Variants in VRK2 observed in about 807,000 individuals in gnomAD.
VRK2 encodes serine/threonine-protein kinase VRK2.
Under a neutral mutation model 57.6 loss-of-function variants are expected in VRK2, and 60 were observed. The ratio of observed to expected loss-of-function variants is 1.04; its 90% CI spans 0.85 to 1.29. The LOEUF (loss-of-function observed/expected upper bound fraction) is 1.29, where lower values mean the gene tolerates loss of function less well. VRK2 is among the 50% of genes most tolerant of loss of function. The pLI is 0.00. For missense variants in VRK2, 705 were observed against 588.1 expected, an observed-to-expected ratio of 1.20 and a Z score of -2.06; for synonymous variants, 231 against 199.2, an observed-to-expected ratio of 1.16 and a Z score of -1.35.
intron 1 of VRK2, among the ~76,000 whole-genome samples, chr2:57,956,231 A>C (rs546598337): frequency 6.6e-6 from 1 of 152,162 alleles, no homozygotes; most frequent in African/African-American, 2.4e-5. Flanking sequence ...AGAAAAAATA[A>C]AAAATCTGCT....
chr2:58,154,258 T>C (rs1415372755), intron 12 of VRK2, among the ~76,000 whole-genome samples: 1 of 152,082 alleles, frequency 6.6e-6, no homozygotes, highest in Non-Finnish European at 1.5e-5. Flanking sequence ...CATTCTGTAT[T>C]TTTTAATTGC....
At chr2:57,972,015 G>A (rs1296350024) in intron 1 of VRK2, among the ~76,000 whole-genome samples, 1 of 151,728 alleles carries the variant, frequency 6.6e-6, no homozygotes, top group Non-Finnish European at 1.5e-5. Flanking sequence ...GCTTCTTCAG[G>A]TTGGCTCTGG....
intron 8 of VRK2, among the ~76,000 whole-genome samples, chr2:58,124,285 G>T (rs758244343): frequency 4.1e-4 from 62 of 152,172 alleles, no homozygotes; most frequent in Non-Finnish European, 6.0e-4. Context: ...AAAATATATG[G>T]TGCCGAGTCC....
At chr2:57,910,965 A>G (rs1330776115) in intron 1 of VRK2, among the ~76,000 whole-genome samples, 1 of 152,100 alleles carries the variant, frequency 6.6e-6, no homozygotes, top group Non-Finnish European at 1.5e-5. Flanking sequence ...AGAACCAGTG[A>G]GCAATAAACA....
intron 8 of VRK2, among the ~76,000 whole-genome samples, chr2:58,126,502 A>G (rs1190392128): frequency 1.3e-5 from 2 of 152,098 alleles, no homozygotes; most frequent in East Asian, 1.9e-4. Context: ...AAAATTAGCT[A>G]TTATGTTATT....
rs151252588 is a variant in VRK2 at position 58,012,836 on chromosome 2, C to T, written c.-438-12829C>T. Among the ~76,000 whole-genome samples, 54 of 152,232 alleles carry T rather than the reference C, an allele frequency of 3.5e-4. No homozygotes were observed. The East Asian group carries it at 9.6e-3, about 27-fold the overall frequency. ...ATCATATTTACTCCAAGACATTTTACGTATTATATCTTAATAACACTAAAT... is the reference window on the plus strand; with the variant it reads ...ATCATATTTACTCCAAGACATTTTATGTATTATATCTTAATAACACTAAAT... On this transcript the variant is annotated intron_variant, in intron 1 of 15. Coordinates refer to the VRK2 transcript ENST00000417641.
chr2:57,916,717 G>C (rs933989766), intron 1 of VRK2, among the ~76,000 whole-genome samples: 3 of 152,086 alleles, frequency 2.0e-5, no homozygotes, highest in Non-Finnish European at 4.4e-5. Flanking sequence ...TCATAAATAA[G>C]ACAGCTTAGA....
chr2:57,916,381 G>C (rs1421541099), intron 1 of VRK2, among the ~76,000 whole-genome samples: 1 of 149,148 alleles, frequency 6.7e-6, no homozygotes, highest in Non-Finnish European at 1.5e-5. Flanking sequence ...ACTCCAGCCT[G>C]GCAACAAGAG....
At chr2:58,119,432 G>A (rs1029385781) in intron 7 of VRK2, among the ~76,000 whole-genome samples, 5 of 145,166 alleles carry the variant, frequency 3.4e-5, no homozygotes, top group South Asian at 2.2e-4. Context: ...AGCCGAGATC[G>A]CGCCACTGCA....
intron 1 of VRK2, among the ~76,000 whole-genome samples, chr2:58,000,414 A>G (rs1046375675): frequency 6.6e-5 from 10 of 152,344 alleles, no homozygotes; most frequent in African/African-American, 2.4e-4. Context: ...CAAGATGCCT[A>G]TCTTCTCAAC....
At chr2:58,107,806 T>A (rs571543921) in intron 7 of VRK2, among the ~76,000 whole-genome samples, 1 of 152,264 alleles carries the variant, frequency 6.6e-6, no homozygotes, top group East Asian at 1.9e-4. Context: ...GTCCTGCTTC[T>A]TTCTCTGCCA....
intron 3 of VRK2, among the ~76,000 whole-genome samples, chr2:58,037,681 A>T (rs1026852692): frequency 6.6e-6 from 1 of 152,126 alleles, no homozygotes; most frequent in African/African-American, 2.4e-5. Context: ...TTACTATGCT[A>T]GGTTCTTTGC....
At chr2:58,060,860 G>C (rs1233702253) in intron 2 of VRK2, among the ~76,000 whole-genome samples, 1 of 151,804 alleles carries the variant, frequency 6.6e-6, no homozygotes, top group Non-Finnish European at 1.5e-5. Flanking sequence ...ATTTATGATG[G>C]CTAAGAAAAA....
chr2:58,036,165 A>G (rs1404752677), intron 3 of VRK2, among the ~76,000 whole-genome samples: 1 of 152,008 alleles, frequency 6.6e-6, no homozygotes, highest in Non-Finnish European at 1.5e-5. Context: ...CAATTGTATG[A>G]CACTTTTTTC....
chr2:58,087,441 T>A lies in VRK2; in HGVS notation c.345-900T>A, dbSNP rs192190770. On this transcript the variant is annotated intron_variant, in intron 5 of 12. Transcript: ENST00000340157. ...TTGCCTTAGAAGGATTTTGATGAGA[T>A]ACTATTGAAAAAAGTAAGATGGAGA... is the stretch of plus-strand genomic sequence containing the variant. 4.6e-3 allele frequency among the ~76,000 whole-genome samples: 697 copies of A among 152,270 alleles called. 4 individuals carry two copies. Among genetic ancestry groups the A allele is most frequent in the South Asian group, 0.029 (139 of 4,826 alleles).
intron 1 of VRK2, among the ~76,000 whole-genome samples, chr2:58,022,303 C>T (rs889712646): frequency 4.6e-5 from 7 of 152,116 alleles, no homozygotes; most frequent in South Asian, 2.1e-4. Context: ...TCTGTGAAAC[C>T]GCCAGGAACA....
At chr2:58,029,151 C>A (rs1046668248) in intron 2 of VRK2, among the ~76,000 whole-genome samples, 3 of 151,538 alleles carry the variant, frequency 2.0e-5, no homozygotes, top group Admixed American at 2.0e-4. Context: ...TGATAAATTT[C>A]TTGAAAAGCC....
At chr2:57,990,990 T>A (rs1300688155) in intron 1 of VRK2, among the ~76,000 whole-genome samples, 1 of 151,762 alleles carries the variant, frequency 6.6e-6, no homozygotes, top group Non-Finnish European at 1.5e-5. Context: ...TAGGGATAGA[T>A]GGGAAAAAAA....
chr2:58,087,237 G>A (rs920920242), intron 5 of VRK2, among the ~76,000 whole-genome samples: 6 of 152,098 alleles, frequency 3.9e-5, no homozygotes, highest in African/African-American at 1.4e-4. Context: ...GAGAGAATAA[G>A]CTCAGATGTC....
Sources: allele counts gnomAD v4.1 joint callset (sites outside exome capture counted in the v4.1 genomes callset), GRCh38; gene constraint gnomAD v4.1.1; transcripts MANE v1.5; gene names NCBI Gene and HGNC (gene_info 2026-07-23, HGNC 2026-07-21).